HIGD2A: variants seen among roughly 807,000 people sequenced by gnomAD.
HIGD2A encodes the protein HIG1 domain family member 2A, mitochondrial.
Under a neutral mutation model 6.3 loss-of-function variants are expected in HIGD2A, and 4 were observed. The observed-to-expected ratio is 0.64, with a 90% CI of 0.31 to 1.46. HIGD2A has a LOEUF of 1.46. Ranked by LOEUF, HIGD2A falls within the 40% of genes most tolerant of loss-of-function variation. HIGD2A has a pLI of 0.07. For synonymous variants in HIGD2A, 63 were observed against 59.3 expected, an observed-to-expected ratio of 1.06 and a Z score of -0.29; for missense variants, 143 against 144.8, an observed-to-expected ratio of 0.99 and a Z score of 0.06.
At position 176,388,752 on chromosome 5, in the gene HIGD2A, C is replaced by T. The variant is rs962548030; in HGVS notation, c.-68C>T. 1.5e-5 allele frequency: 23 copies of T among 1,567,184 alleles called. No homozygotes were observed. The African/African-American group carries it at 3.2e-4, about 22-fold the overall frequency. On this transcript the variant is annotated 5_prime_UTR_variant, in exon 1 of 2. Coordinates refer to ENST00000274787, the MANE Select transcript of HIGD2A (RefSeq NM_138820.4). ...GGCTCAATTTATTCGTTTCCCCGCC[C>T]CTTTCATGACCTTCACCGGGAGGCT...
Position 176,388,777 on chromosome 5 carries a change from T to A in HIGD2A, c.-43T>A. 1 of 1,599,488 alleles carries A rather than the reference T, an allele frequency of 6.3e-7. No individual in the cohort carries two copies. Among genetic ancestry groups the A allele is most frequent in the Admixed American group, 1.7e-5 (1 of 57,156 alleles). On this transcript the variant is annotated 5_prime_UTR_variant, in exon 1 of 2. Coordinates refer to ENST00000274787, the MANE Select transcript of HIGD2A (RefSeq NM_138820.4). Reference sequence around the variant, plus strand: ...CCTTTCATGACCTTCACCGGGAGGCTGAGGTCGGAGTCCCGATTTTCTCCT... The same window carrying A: ...CCTTTCATGACCTTCACCGGGAGGCAGAGGTCGGAGTCCCGATTTTCTCCT...
At position 176,389,414 on chromosome 5, in the gene HIGD2A, C is replaced by G; in HGVS notation, c.238C>G (p.Arg80Gly). 1 of 1,614,218 alleles carries G rather than the reference C, an allele frequency of 6.2e-7. No individual in the cohort carries two copies. Among genetic ancestry groups the G allele is most frequent in the Non-Finnish European group, 8.5e-7 (1 of 1,180,032 alleles). Reference sequence around the variant, plus strand: ...CAGCCAGCGCTCTCAGCTCATGATGCGCACCCGGATCGCCGCCCAGGGTTT... The same window carrying G: ...CAGCCAGCGCTCTCAGCTCATGATGGGCACCCGGATCGCCGCCCAGGGTTT... ...GNSQRSQLMM[R>G]TRIAAQGFTV... Residue 80 changes from arginine to glycine, a missense_variant, in exon 2 of 2, where the codon CGC becomes GGC. Arg to Gly is a moderately radical substitution (Grantham distance 125, BLOSUM62 -2). Transcript: ENST00000274787.
chr5:176,388,753 C>G lies in HIGD2A; in HGVS notation c.-67C>G, dbSNP rs975640711. The G allele has an allele frequency of 1.3e-6, 2 of 1,569,836 alleles. No homozygotes were observed. Among genetic ancestry groups the G allele is most frequent in the Non-Finnish European group, 1.7e-6 (2 of 1,160,454 alleles). ...GCTCAATTTATTCGTTTCCCCGCCC[C>G]TTTCATGACCTTCACCGGGAGGCTG... On this transcript the variant is annotated 5_prime_UTR_variant, in exon 1 of 2. Coordinates refer to ENST00000274787, the MANE Select transcript of HIGD2A (RefSeq NM_138820.4).
Position 176,388,934 on chromosome 5 carries a change from T to A in HIGD2A, c.115T>A (p.Phe39Ile), listed in dbSNP as rs1386577522. The A allele has an allele frequency of 6.2e-7, 1 of 1,613,984 alleles. No individual in the cohort carries two copies. Among genetic ancestry groups the A allele is most frequent in the Non-Finnish European group, 8.5e-7 (1 of 1,180,002 alleles). ...GAATCCAGAGAGTTTCAAGGAAAAG[T>A]TCGTTCGCAAGACCCGCGAGAACCC... Reference protein sequence around the residue: ...YRNPESFKEKFVRKTRENPVV... With the variant: ...YRNPESFKEKIVRKTRENPVV... Residue 39 changes from phenylalanine to isoleucine, a missense_variant, in exon 1 of 2, where the codon TTC becomes ATC. Transcript: ENST00000274787.
chr5:176,389,015 A>G (rs749217772), intron 1 of HIGD2A, 42 bp downstream of exon 1: 1 of 1,608,270 alleles, frequency 6.2e-7, no homozygotes, highest in Non-Finnish European at 8.5e-7. Flanking sequence ...GAGGACAGTG[A>G]TGTCGGAGGG....
At chr5:176,389,039 A>T in intron 1 of HIGD2A, 66 bp downstream of exon 1, 4 of 1,584,756 alleles carry the variant, frequency 2.5e-6, no homozygotes, top group Non-Finnish European at 1.7e-6. Context: ...GAAGTAGAGA[A>T]GGACCAGAGC....
In HIGD2A at chr5:176,389,365, C is replaced by T. The variant is rs577278819; in HGVS notation, c.189C>T (p.Gly63=). 3.1e-6 allele frequency: 5 copies of T among 1,614,072 alleles called. No individual in the cohort carries two copies. The African/African-American group carries it at 5.3e-5, about 17-fold the overall frequency. Residue 63 remains glycine (G), a synonymous_variant, in exon 2 of 2, where the codon GGC becomes GGT. Transcript: ENST00000274787. ...CLATAAALTY[G]LYSFHRGNSQ... is the part of the protein sequence containing the mutation. ...CCACGGCGGCCGCCCTCACCTACGG[C>T]CTCTACTCCTTCCACCGGGGCAACA...
Position 176,388,824 on chromosome 5 carries a change from C to T in HIGD2A, c.5C>T (p.Ala2Val). 1.9e-6 allele frequency: 3 copies of T among 1,613,464 alleles called. No homozygotes were observed. The highest frequency in any genetic ancestry group is 2.5e-6 in the Non-Finnish European group (3 of 1,179,780). M[A>V]TPGPVIPEVP... ...TCCTGCTGCTGTGGCCCGGACATGG[C>T]GACTCCCGGCCCTGTGATTCCGGAG... Residue 2 changes from alanine (A) to valine (V), a missense_variant, in exon 1 of 2, where the codon GCG becomes GTG. Physicochemically the swap from Ala to Val is moderately conservative, Grantham distance 64 (BLOSUM62 0). Transcript: ENST00000274787.
At chr5:176,389,244 C>G in intron 1 of HIGD2A, 87 bp from the exon 2 acceptor site, 2 of 1,470,240 alleles carry the variant, frequency 1.4e-6, no homozygotes, top group Non-Finnish European at 1.9e-6. Context: ...ATCCAGAGAT[C>G]TTGGCTTTGG....
At chr5:176,389,298 T>A (rs372552638) in intron 1 of HIGD2A, 33 bp from the exon 2 acceptor site, 1 of 1,595,812 alleles carries the variant, frequency 6.3e-7, no homozygotes, top group African/African-American at 1.3e-5. Flanking sequence ...GGGCCCGACC[T>A]GCTGTTTCCC....
At position 176,389,532 on chromosome 5, in the gene HIGD2A, G is replaced by A; in HGVS notation, c.*35G>A. On this transcript the variant is annotated 3_prime_UTR_variant, in exon 2 of 2. Coordinates refer to ENST00000274787, the MANE Select transcript of HIGD2A (RefSeq NM_138820.4). The stretch of plus-strand genomic sequence containing the variant: ...CTGGCCTTGAAAGCTCCGCAGAAAT[G>A]ATTCCAAAACCCAGGGAGCAACCAC... 2 of 1,582,480 alleles carry A rather than the reference G, an allele frequency of 1.3e-6. No individual in the cohort carries two copies. The highest frequency in any genetic ancestry group is 1.7e-6 in the Non-Finnish European group (2 of 1,162,276).
In HIGD2A at chr5:176,388,964, G is replaced by A. The variant is rs1756135632; in HGVS notation, c.145G>A (p.Val49Ile). ...FVRKTRENPV[V>I]PIGCLATAAA... ...TCGCAAGACCCGCGAGAACCCGGTG[G>A]TACCCATAGGTAAGTGGGTGCGGTA... Residue 49 changes from valine (V) to isoleucine (I), a missense_variant, in exon 1 of 2, where the codon GTA becomes ATA. By Grantham distance (29) the Val-to-Ile change is conservative. Transcript: ENST00000274787. 1 of 1,614,106 alleles carries A rather than the reference G, an allele frequency of 6.2e-7. No homozygotes were observed. Among genetic ancestry groups the A allele is most frequent in the Non-Finnish European group, 8.5e-7 (1 of 1,179,994 alleles).
In HIGD2A at chr5:176,389,409, T is replaced by C. The variant is rs772118296; in HGVS notation, c.233T>C (p.Met78Thr). The C allele has an allele frequency of 2.5e-6, 4 of 1,614,044 alleles. No individual in the cohort carries two copies. The highest frequency in any genetic ancestry group is 2.5e-6 in the Non-Finnish European group (3 of 1,180,022). Residue 78 changes from methionine to threonine, a missense_variant, in exon 2 of 2, where the codon ATG becomes ACG. Met to Thr is a moderately conservative substitution (Grantham distance 81). Coordinates refer to ENST00000274787, the MANE Select transcript of HIGD2A (RefSeq NM_138820.4). ...HRGNSQRSQL[M>T]MRTRIAAQGF... ...GGCAACAGCCAGCGCTCTCAGCTCA[T>C]GATGCGCACCCGGATCGCCGCCCAG...
At chr5:176,389,098 G>A in intron 1 of HIGD2A, 125 bp downstream of exon 1, 1 of 1,252,254 alleles carries the variant, frequency 8.0e-7, no homozygotes, top group Non-Finnish European at 1.1e-6. Context: ...ACGAGGGGGC[G>A]GGGCGGTGAG....
At chr5:176,389,000 A>G (rs1421559683) in intron 1 of HIGD2A, 27 bp downstream of exon 1, 2 of 1,612,872 alleles carry the variant, frequency 1.2e-6, no homozygotes, top group Admixed American at 3.3e-5. Context: ...GGAACTGCAC[A>G]AGGAGAGGAC....
rs1004551807 is a variant in HIGD2A at position 176,388,945 on chromosome 5, G to C, written c.126G>C (p.Lys42Asn). ...PESFKEKFVR[K>N]TRENPVVPIG... ...GTTTCAAGGAAAAGTTCGTTCGCAA[G>C]ACCCGCGAGAACCCGGTGGTACCCA... is the stretch of plus-strand genomic sequence containing the variant. Residue 42 changes from lysine (K) to asparagine (N), a missense_variant, in exon 1 of 2, where the codon AAG becomes AAC. Coordinates refer to ENST00000274787, the MANE Select transcript of HIGD2A (RefSeq NM_138820.4). 6.2e-7 allele frequency: 1 copy of C among 1,614,198 alleles called. No individual in the cohort carries two copies. Among genetic ancestry groups the C allele is most frequent in the Non-Finnish European group, 8.5e-7 (1 of 1,180,040 alleles).
chr5:176,389,040 G>A (rs747608997), intron 1 of HIGD2A, 67 bp downstream of exon 1: 15 of 1,579,998 alleles, frequency 9.5e-6, no homozygotes, highest in Non-Finnish European at 1.3e-5. Context: ...AAGTAGAGAA[G>A]GACCAGAGCG....
Position 176,389,760 on chromosome 5 carries a change from A to G in HIGD2A, c.*263A>G. The G allele has an allele frequency of 2.7e-6, 1 of 374,300 alleles. No homozygotes were observed. Among genetic ancestry groups the G allele is most frequent in the African/African-American group, 2.1e-5 (1 of 48,460 alleles). 23.2% of individuals were successfully genotyped at this position (374,300 alleles called of 1,614,324 possible). On this transcript the variant is annotated 3_prime_UTR_variant, in exon 2 of 2. Transcript: ENST00000274787. ...AAACTCTAAAAATCCACTTGTATTTAATTCAGTATCATCCCCATGGTTTTT... is the reference window on the plus strand; with the variant it reads ...AAACTCTAAAAATCCACTTGTATTTGATTCAGTATCATCCCCATGGTTTTT...
Position 176,388,858 on chromosome 5 carries a change from T to C in HIGD2A, c.39T>C (p.Phe13=), listed in dbSNP as rs542954129. ...TPGPVIPEVP[F]EPSKPPVIEG... is the part of the protein sequence containing the mutation. ...GCCCTGTGATTCCGGAGGTCCCCTTTGAACCATCGAAGCCTCCAGTCATTG... is the reference window on the plus strand; with the variant it reads ...GCCCTGTGATTCCGGAGGTCCCCTTCGAACCATCGAAGCCTCCAGTCATTG... Residue 13 remains phenylalanine (F), a synonymous_variant, in exon 1 of 2, where the codon TTT becomes TTC. Coordinates refer to ENST00000274787, the MANE Select transcript of HIGD2A (RefSeq NM_138820.4). 6.2e-7 allele frequency: 1 copy of C among 1,614,170 alleles called. No homozygotes were observed. The highest frequency in any genetic ancestry group is 1.1e-5 in the South Asian group (1 of 91,080).
Sources: allele counts gnomAD v4.1 joint callset, GRCh38; gene constraint gnomAD v4.1.1; transcripts MANE v1.5; gene names NCBI Gene and HGNC (gene_info 2026-07-23, HGNC 2026-07-21).